The following PPFIBP1 variants were observed in gnomAD, a reference collection of about 807,000 sequenced individuals.
PPFIBP1 encodes PPFIB scaffold protein 1.
PPFIBP1 carries 112 observed loss-of-function variants against 137.8 expected under a neutral mutation model. That is an observed-to-expected ratio of 0.81 (90% CI 0.70 to 0.95). The LOEUF (loss-of-function observed/expected upper bound fraction) is 0.95. Ranked by LOEUF, PPFIBP1 falls within the 40% of genes least tolerant of loss-of-function variation. PPFIBP1 has a pLI of 0.00. For synonymous variants in PPFIBP1, 378 were observed against 417.3 expected, an observed-to-expected ratio of 0.91 and a Z score of 1.15; for missense variants, 1,083 against 1,196.6, an observed-to-expected ratio of 0.91 and a Z score of 1.40.
Position 27,680,072 on chromosome 12 carries a change from C to A in PPFIBP1, c.1895+11C>A, listed in dbSNP as rs1438971579. 8 of 1,613,052 alleles carry A rather than the reference C, an allele frequency of 5.0e-6. No individual in the cohort carries two copies. Among genetic ancestry groups the A allele is most frequent in the Non-Finnish European group, 6.8e-6 (8 of 1,179,480 alleles). ...GGGACAGTCTAACAGGTAAGAAGAG[C>A]CAACTGATAGACTTTTGCATCTCTA... is the stretch of plus-strand genomic sequence containing the variant. On this transcript the variant is annotated intron_variant, in intron 21 of 29. Transcript: ENST00000228425.
chr12:27,657,253 T>G (rs2059261349), intron 9 of PPFIBP1: 1 of 152,782 alleles, frequency 6.5e-6, no homozygotes, highest in Admixed American at 6.5e-5. Context: ...TGCATGAATT[T>G]GTCCAAACTT....
intron 13 of PPFIBP1, among the ~76,000 whole-genome samples, chr12:27,667,912 C>T (rs1247403429): frequency 1.3e-5 from 2 of 152,206 alleles, no homozygotes; most frequent in African/African-American, 2.4e-5. Flanking sequence ...AACTTTGCAT[C>T]GCCTGTTATG....
chr12:27,564,663 A>G (rs961707298), intron 1 of PPFIBP1, among the ~76,000 whole-genome samples: 2 of 152,194 alleles, frequency 1.3e-5, no homozygotes, highest in African/African-American at 2.4e-5. Flanking sequence ...TCTGTCAGCT[A>G]ATATTTTTAT....
intron 2 of PPFIBP1, chr12:27,608,701 A>T: frequency 2.4e-6 from 1 of 411,938 alleles, no homozygotes; most frequent in Non-Finnish European, 4.5e-6. Flanking sequence ...AAGAAGGGAG[A>T]CAGGGACACC....
intron 11 of PPFIBP1, among the ~76,000 whole-genome samples, 199 bp downstream of exon 11, chr12:27,661,144 T>C (rs1030717795): frequency 6.6e-6 from 1 of 152,190 alleles, no homozygotes; most frequent in Non-Finnish European, 1.5e-5. Flanking sequence ...TGAGAACTCC[T>C]GCCCCCACGA....
chr12:27,618,113 T>C (rs1397591420), intron 2 of PPFIBP1, among the ~76,000 whole-genome samples: 2 of 152,254 alleles, frequency 1.3e-5, no homozygotes, highest in African/African-American at 4.8e-5. Flanking sequence ...AGTCCATTAA[T>C]ATTCTATTCT....
chr12:27,689,261 GTTACC>G lies in PPFIBP1; in HGVS notation c.2685+60_2685+64del, dbSNP rs2061376549. On this transcript the variant is annotated intron_variant, in intron 27 of 29. Coordinates refer to ENST00000228425, the MANE Select transcript of PPFIBP1 (RefSeq NM_003622.4). ...TTGGCGCAAAGGCAACGTTTTGTCG[GTTACC>G]TGGTTATTCTGTTTTCTGGGGTTTA... The G allele has an allele frequency of 2.1e-6, 3 of 1,459,906 alleles. No homozygotes were observed. The Admixed American group carries it at 7.6e-5, about 37-fold the overall frequency. 90.4% of individuals were successfully genotyped at this position (1,459,906 alleles called of 1,614,324 possible). A position where few individuals can be genotyped will look rare whatever the true frequency, so the allele number is the denominator to read the frequency against.
rs2061685612 is a variant in PPFIBP1 at position 27,694,347 on chromosome 12, C to T, written c.*1465C>T. 6.6e-6 allele frequency: 1 copy of T among 152,184 alleles called. No homozygotes were observed. The allele number at this position is 152,184 out of a possible 1,614,324, so 9.4% of individuals were successfully genotyped here. A position where few individuals can be genotyped will look rare whatever the true frequency, so the allele number is the denominator to read the frequency against. On this transcript the variant is annotated 3_prime_UTR_variant, in exon 30 of 30. Transcript: ENST00000228425. ...ACTTGAATACATTCAGAATCACCTC[C>T]TCTCCCCAAAATTTGTAGAAATAGT... is the stretch of plus-strand genomic sequence containing the variant.
At chr12:27,680,950 C>T (rs1042163727) in intron 21 of PPFIBP1, among the ~76,000 whole-genome samples, 2 of 152,138 alleles carry the variant, frequency 1.3e-5, no homozygotes, top group African/African-American at 4.8e-5. Context: ...GTTTCATTTG[C>T]CATATGTTGT....
rs762331496 is a variant in PPFIBP1 at position 27,646,139 on chromosome 12, C to T, written c.348C>T (p.Leu116=). ...LARLENDKES[L]VLQVSVLTDQ... is the part of the protein sequence containing the mutation. ...GTTTAGAAAATGATAAAGAATCCCT[C>T]GTTCTTCAGGCAAGTGATTTTTAAA... Residue 116 remains leucine, a synonymous_variant, in exon 5 of 30, where the codon CTC becomes CTT. Transcript: ENST00000228425. 5.6e-5 allele frequency: 90 copies of T among 1,604,724 alleles called. 1 individual carries two copies. Among genetic ancestry groups the T allele is most frequent in the South Asian group, 3.2e-4 (29 of 90,820 alleles).
chr12:27,646,052 C>T lies in PPFIBP1; in HGVS notation c.271-10C>T, dbSNP rs770870759. ...AAGATCAGCCTTACCCATATTACTT[C>T]CTTTTTCAGACAAATGGACACCTAC... On this transcript the variant is annotated splice_polypyrimidine_tract_variant and intron_variant, in intron 4 of 29. Coordinates refer to ENST00000228425, the MANE Select transcript of PPFIBP1 (RefSeq NM_003622.4). 1.9e-6 allele frequency: 3 copies of T among 1,581,490 alleles called. No homozygotes were observed. The highest frequency in any genetic ancestry group is 1.3e-5 in the African/African-American group (1 of 74,252).
At chr12:27,647,649 T>C (rs1204643647) in intron 5 of PPFIBP1, 80 bp from the exon 6 acceptor site, 3 of 845,042 alleles carry the variant, frequency 3.6e-6, no homozygotes, top group Admixed American at 2.8e-5. Flanking sequence ...ATTCCTTTTT[T>C]TGTTCCATTT....
intron 15 of PPFIBP1, among the ~76,000 whole-genome samples, chr12:27,673,017 C>A (rs1360529736): frequency 6.6e-6 from 1 of 152,116 alleles, no homozygotes; most frequent in Non-Finnish European, 1.5e-5. Flanking sequence ...GTTGATACTT[C>A]TGGCAATACA....
chr12:27,598,461 C>T (rs567685160), intron 2 of PPFIBP1, among the ~76,000 whole-genome samples: 1 of 152,228 alleles, frequency 6.6e-6, no homozygotes, highest in South Asian at 2.1e-4. Flanking sequence ...TCCCACAACA[C>T]CAGAGAATTA....
At chr12:27,672,605 C>A in intron 15 of PPFIBP1, 122 bp downstream of exon 15, 4 of 746,780 alleles carry the variant, frequency 5.4e-6, no homozygotes, top group South Asian at 5.1e-5. Flanking sequence ...CTGAATAAAT[C>A]AATGTAGCTA....
At chr12:27,550,991 A>ATATATATATATT (rs375148048) in intron 1 of PPFIBP1, among the ~76,000 whole-genome samples, 2 of 136,708 alleles carry the variant, frequency 1.5e-5, no homozygotes, top group African/African-American at 5.6e-5. Flanking sequence ...ATATATATAT[A>ATATATATATATT]TTTTTTTTTT....
At chr12:27,651,225 G>A (rs999701890) in intron 7 of PPFIBP1, among the ~76,000 whole-genome samples, 8 of 151,476 alleles carry the variant, frequency 5.3e-5, no homozygotes, top group East Asian at 1.9e-4. Context: ...TATATGTCTT[G>A]CTTCCTCCAT....
chr12:27,551,253 G>C (rs1406736701), intron 1 of PPFIBP1, among the ~76,000 whole-genome samples: 1 of 152,074 alleles, frequency 6.6e-6, no homozygotes, highest in African/African-American at 2.4e-5. Context: ...ACCCAGCCTT[G>C]TGGGGGTCTG....
At chr12:27,667,465 T>G in intron 13 of PPFIBP1, 145 bp downstream of exon 13, 1 of 682,172 alleles carries the variant, frequency 1.5e-6, no homozygotes. Flanking sequence ...AAATTGACTT[T>G]GGCCACTTCT....
Sources: allele counts gnomAD v4.1 joint callset (sites outside exome capture counted in the v4.1 genomes callset), GRCh38; gene constraint gnomAD v4.1.1; transcripts MANE v1.5; gene names NCBI Gene and HGNC (gene_info 2026-07-23, HGNC 2026-07-21).